FCAR: variants seen among roughly 807,000 people sequenced by gnomAD.
The protein encoded by FCAR is Fc alpha receptor, also known as immunoglobulin alpha Fc receptor.
FCAR carries 21 observed loss-of-function variants against 27.1 expected under a neutral mutation model. The ratio of observed to expected loss-of-function variants is 0.77; its 90% CI spans 0.55 to 1.11. The LOEUF is 1.11. Among genes scored for constraint, FCAR ranks in the 50% most tolerant of loss-of-function variants. FCAR has a pLI of 0.00. For missense variants in FCAR, 404 were observed against 358.4 expected, an observed-to-expected ratio of 1.13 and a Z score of -1.03; for synonymous variants, 134 against 135.8, an observed-to-expected ratio of 0.99 and a Z score of 0.09.
rs1157663628 is a variant in FCAR at position 54,891,330 on chromosome 19, C to T, written c.*1467C>T. 8 of 152,134 alleles carry T rather than the reference C, an allele frequency of 5.3e-5. No homozygotes were observed. The highest frequency in any genetic ancestry group is 7.4e-5 in the Non-Finnish European group (5 of 68,024). 9.4% of individuals were successfully genotyped at this position (152,134 alleles called of 1,614,324 possible). ...TGAAGGGACTTAGGCCCACTTTTAT[C>T]CTTTACTGAGAGCTTATCTCTACTT... On this transcript the variant is annotated 3_prime_UTR_variant, in exon 5 of 5. Transcript: ENST00000355524.
chr19:54,875,428 A>T (rs2066041393), intron 2 of FCAR, 63 bp downstream of exon 2: 1 of 1,357,608 alleles, frequency 7.4e-7, no homozygotes, highest in African/African-American at 1.5e-5. Context: ...AGGATAAAGA[A>T]ATTGAAGAAT....
chr19:54,887,929 T>C, intron 3 of FCAR, 78 bp from the exon 4 acceptor site: 2 of 1,184,054 alleles, frequency 1.7e-6, no homozygotes, highest in Admixed American at 5.0e-5. Context: ...AAAAAATATA[T>C]AATAATAACA....
At chr19:54,883,950 T>C (rs946920920) in intron 2 of FCAR, among the ~76,000 whole-genome samples, 2 of 151,696 alleles carry the variant, frequency 1.3e-5, no homozygotes, top group African/African-American at 2.4e-5. Flanking sequence ...GAGTGAGACT[T>C]CATCTCAACA....
chr19:54,888,626 C>T, intron 4 of FCAR: 1 of 711,488 alleles, frequency 1.4e-6, no homozygotes, highest in Non-Finnish European at 1.8e-6. Context: ...CGACTCACTG[C>T]AACCTTCGCC....
chr19:54,875,596 C>T (rs770247959), intron 2 of FCAR, among the ~76,000 whole-genome samples: 3 of 152,160 alleles, frequency 2.0e-5, no homozygotes, highest in Non-Finnish European at 4.4e-5. Context: ...TTAGACTGTC[C>T]ATGAAGGATC....
rs73932254 is a variant in FCAR, at chr19:54,882,344, C to A, written c.71-2891C>A. On this transcript the variant is annotated intron_variant, in intron 2 of 4. Coordinates refer to ENST00000355524, the MANE Select transcript of FCAR (RefSeq NM_002000.4). ...CCATCCAGATTCTGAATTCTATAAC[C>A]CTCGTTTCATTCATCTCAATGTAGC... is the stretch of plus-strand genomic sequence containing the variant. Among the ~76,000 whole-genome samples, 152 of 151,804 alleles carry A rather than the reference C, an allele frequency of 1.0e-3. 1 individual carries two copies. Among genetic ancestry groups the A allele is most frequent in the African/African-American group, 3.5e-3 (146 of 41,370 alleles).
At chr19:54,889,603 T>C in intron 4 of FCAR, 46 bp from the exon 5 acceptor site, 1 of 1,522,848 alleles carries the variant, frequency 6.6e-7, no homozygotes, top group Non-Finnish European at 9.1e-7. Context: ...TGGGATGGAA[T>C]GGAACACAAC....
intron 1 of FCAR, 113 bp from the exon 2 acceptor site, chr19:54,875,217 T>G: frequency 2.5e-5 from 20 of 787,608 alleles, no homozygotes; most frequent in Non-Finnish European, 3.6e-5. Flanking sequence ...CTGGTGGGAT[T>G]GAGCTGTGAA....
chr19:54,875,264 C>T, intron 1 of FCAR, 66 bp from the exon 2 acceptor site: 1 of 1,377,402 alleles, frequency 7.3e-7, no homozygotes, highest in Admixed American at 1.7e-5. Context: ...TCTGTCATTA[C>T]AGAGGGTGAT....
At chr19:54,874,420 C>G (rs192743321) in intron 1 of FCAR, 97 bp downstream of exon 1, 20 of 1,220,848 alleles carry the variant, frequency 1.6e-5, no homozygotes, top group Non-Finnish European at 2.3e-5. Flanking sequence ...ATTTTAGTGG[C>G]TGCCAAGGAG....
intron 4 of FCAR, among the ~76,000 whole-genome samples, chr19:54,889,391 AACAC>A (rs1247503918): frequency 1.6e-5 from 2 of 124,296 alleles, no homozygotes; most frequent in Non-Finnish European, 3.3e-5. Flanking sequence ...AAAAAAAAAA[AACAC>A]ACACAACCTG....
intron 3 of FCAR, among the ~76,000 whole-genome samples, chr19:54,887,036 C>CCGAGA (rs2066772410): frequency 1.4e-5 from 1 of 72,540 alleles, no homozygotes; most frequent in African/African-American, 4.2e-5. Flanking sequence ...CTTTGGGAGG[C>CCGAGA]TGGGCGCCGT....
chr19:54,889,470 CACAGTCTTGCTG>C (rs748645510), intron 4 of FCAR, among the ~76,000 whole-genome samples, 167 bp from the exon 5 acceptor site: 13 of 151,480 alleles, frequency 8.6e-5, no homozygotes, highest in Non-Finnish European at 1.8e-4. Flanking sequence ...TGCCCGTGAA[CACAGTCTTGCTG>C]ACTGATCAGT....
At chr19:54,888,428 G>C in intron 4 of FCAR, 134 bp downstream of exon 4, 1 of 1,450,952 alleles carries the variant, frequency 6.9e-7, no homozygotes, top group South Asian at 1.5e-5. Flanking sequence ...AGTGGAGAGA[G>C]AAAGGCTTCC....
At chr19:54,876,068 C>T (rs1436194520) in intron 2 of FCAR, among the ~76,000 whole-genome samples, 1 of 152,070 alleles carries the variant, frequency 6.6e-6, no homozygotes, top group Non-Finnish European at 1.5e-5. Context: ...AGCTGTATTC[C>T]CAGGTATTTT....
intron 2 of FCAR, among the ~76,000 whole-genome samples, chr19:54,878,283 A>G (rs989708879): frequency 6.6e-6 from 1 of 152,274 alleles, no homozygotes; most frequent in East Asian, 1.9e-4. Flanking sequence ...GGCAATGAAA[A>G]CAATGTAGAT....
At chr19:54,881,594 G>A (rs1569531726) in intron 2 of FCAR, among the ~76,000 whole-genome samples, 1 of 152,148 alleles carries the variant, frequency 6.6e-6, no homozygotes, top group South Asian at 2.1e-4. Flanking sequence ...AATGAAGGCC[G>A]GGCGCGGTGG....
chr19:54,885,541 G>T lies in FCAR; in HGVS notation c.361+16G>T. ...GTAGTGACAGGTAAGGAAACATCCA[G>T]GGTCCACAGCCCTGGTGTGATTTTT... On this transcript the variant is annotated intron_variant, in intron 3 of 4. Coordinates refer to ENST00000355524, the MANE Select transcript of FCAR (RefSeq NM_002000.4). 1.3e-6 allele frequency: 2 copies of T among 1,589,028 alleles called. No individual in the cohort carries two copies. The highest frequency in any genetic ancestry group is 2.7e-5 in the African/African-American group (2 of 74,474).
chr19:54,878,874 C>CTTTTT (rs57952503), intron 2 of FCAR, among the ~76,000 whole-genome samples: 8 of 76,096 alleles, frequency 1.1e-4, no homozygotes, highest in Non-Finnish European at 1.6e-4. Context: ...TTGAGTCTTG[C>CTTTTT]TTTTTTTTTT....
Sources: gnomAD v4.1 joint callset for allele counts (sites outside exome capture counted in the v4.1 genomes callset) on GRCh38, gnomAD v4.1.1 for gene constraint, MANE v1.5 for transcripts, NCBI Gene and HGNC (gene_info 2026-07-23, HGNC 2026-07-21) for gene names.